C19orf67: variants seen among roughly 807,000 people sequenced by gnomAD.
C19orf67 encodes the protein chromosome 19 open reading frame 67, also known as UPF0575 protein C19orf67.
Under a neutral mutation model 41.4 loss-of-function variants are expected in C19orf67, and 28 were observed. The ratio of observed to expected loss-of-function variants is 0.68; its 90% CI spans 0.50 to 0.93. The LOEUF is 0.93. Among genes scored for constraint, C19orf67 ranks in the 40% least tolerant of loss-of-function variants. The pLI is 0.00. For synonymous variants in C19orf67, 242 were observed against 203.4 expected (o/e 1.19, Z -1.62); for missense variants, 421 against 467.0 (o/e 0.90, Z 0.91).
Position 14,085,613 on chromosome 19 carries a change from C to T in C19orf67, c.15G>A (p.Gln5=), listed in dbSNP as rs1271004750. Residue 5 remains glutamine, a synonymous_variant, in exon 1 of 6, where the codon CAG becomes CAA. Coordinates refer to ENST00000548523, the MANE Select transcript of C19orf67 (RefSeq NM_001277378.2). MATE[Q]WFEGSLPLDP... ...CCAGGGGGAGCGACCCCTCGAACCA[C>T]TGCTCTGTAGCCATGGTAGGGCCGG... The T allele has an allele frequency of 6.5e-7, 1 of 1,534,056 alleles. No homozygotes were observed. The highest frequency in any genetic ancestry group is 2.0e-5 in the Admixed American group (1 of 50,996).
intron 1 of C19orf67, among the ~76,000 whole-genome samples, chr19:14,084,400 A>AAT (rs950675431): frequency 4.6e-5 from 7 of 151,806 alleles, no homozygotes; most frequent in African/African-American, 1.7e-4. Flanking sequence ...ATTAAAAAAA[A>AAT]AAAAACAGCC....
At position 14,085,410 on chromosome 19, in the gene C19orf67, G is replaced by C; in HGVS notation, c.218C>G (p.Pro73Arg). The change falls in exon 1 of 6, where the codon CCC (proline) becomes CGC (arginine). Residue 73 changes from proline (P) to arginine (R), a missense_variant. By Grantham distance (103) the Pro-to-Arg change is moderately radical (BLOSUM62 -2). This residue lies in a region of C19orf67 where 160 missense variants were observed against 139.2 expected (regional missense o/e 1.15). Transcript: ENST00000548523. ...GCGGGGAGGTGCTGGCCCAGGCCGG[G>C]GGACCAGAGGTTTGGGGGAAGACGT... ...ASTSSPKPLV[P>R]RPGPAPPRLS... 1 of 1,536,058 alleles carries C rather than the reference G, an allele frequency of 6.5e-7. No individual in the cohort carries two copies. The highest frequency in any genetic ancestry group is 8.7e-7 in the Non-Finnish European group (1 of 1,146,874).
rs540698431 is a variant in C19orf67, at chr19:14,081,675, C to T, written c.*159G>A. 23 of 528,348 alleles carry T rather than the reference C, an allele frequency of 4.4e-5. No homozygotes were observed. Among genetic ancestry groups the T allele is most frequent in the African/African-American group, 4.2e-4 (21 of 50,190 alleles). The allele number at this position is 528,348 out of a possible 1,614,324, so 32.7% of individuals were successfully genotyped here. A position where few individuals can be genotyped will look rare whatever the true frequency, so the allele number is the denominator to read the frequency against. ...AAAACTGACGTGTCCGCATTCAGGG[C>T]CCCACGGCCAAGCCGGACTCGGTGC... On this transcript the variant is annotated 3_prime_UTR_variant, in exon 6 of 6. Transcript: ENST00000548523.
At position 14,083,730 on chromosome 19, in the gene C19orf67, C is replaced by T; in HGVS notation, c.480+3G>A. The T allele has an allele frequency of 2.1e-6, 3 of 1,454,968 alleles. No homozygotes were observed. Among genetic ancestry groups the T allele is most frequent in the Non-Finnish European group, 1.8e-6 (2 of 1,104,506 alleles). 90.1% of individuals were successfully genotyped at this position (1,454,968 alleles called of 1,614,324 possible). ...GCGTGGGGTCTAAGAAACCTCCACACACCCCCTTTCGGACCAGCTCCTGCA... is the reference window on the plus strand; with the variant it reads ...GCGTGGGGTCTAAGAAACCTCCACATACCCCCTTTCGGACCAGCTCCTGCA... On this transcript the variant is annotated splice_donor_region_variant and intron_variant, in intron 2 of 5. Coordinates refer to ENST00000548523, the MANE Select transcript of C19orf67 (RefSeq NM_001277378.2).
At position 14,085,281 on chromosome 19, in the gene C19orf67, G is replaced by C. The variant is rs557445571; in HGVS notation, c.335+12C>G. On this transcript the variant is annotated intron_variant, in intron 1 of 5. Coordinates refer to ENST00000548523, the MANE Select transcript of C19orf67 (RefSeq NM_001277378.2). ...CTTACCCATGGGGACCTGGGACCCT[G>C]TCCAGCATCACCTGTAGAGCAAGTA... The C allele has an allele frequency of 6.5e-7, 1 of 1,535,148 alleles. No homozygotes were observed. Among genetic ancestry groups the C allele is most frequent in the African/African-American group, 1.4e-5 (1 of 73,158 alleles).
At chr19:14,084,822 G>T (rs1435795044) in intron 1 of C19orf67, among the ~76,000 whole-genome samples, 1 of 152,210 alleles carries the variant, frequency 6.6e-6, no homozygotes, top group Non-Finnish European at 1.5e-5. Flanking sequence ...GGGCGACAGA[G>T]TGAGACTCCA....
chr19:14,081,835 C>T lies in C19orf67; in HGVS notation c.1076G>A (p.Ter359=). ...CAGCTCCTACCCTCTTCCCCAGGTT[C>T]AAGACCCCTGCGCTGCCCACCCCGC... ...GPAGWAAQGS[*] The change falls in exon 6 of 6, where the codon TGA becomes TAA. Residue 359 remains the stop codon, a stop_retained_variant. Coordinates refer to ENST00000548523, the MANE Select transcript of C19orf67 (RefSeq NM_001277378.2). The T allele has an allele frequency of 6.5e-7, 1 of 1,529,144 alleles. No homozygotes were observed. Among genetic ancestry groups the T allele is most frequent in the Admixed American group, 2.0e-5 (1 of 49,362 alleles). 94.7% of individuals were successfully genotyped at this position (1,529,144 alleles called of 1,614,324 possible). A position where few individuals can be genotyped will look rare whatever the true frequency, so the allele number is the denominator to read the frequency against.
Position 14,085,580 on chromosome 19 carries a change from T to C in C19orf67, c.48A>G (p.Gly16=). The C allele has an allele frequency of 6.5e-7, 1 of 1,535,150 alleles. No homozygotes were observed. The highest frequency in any genetic ancestry group is 2.0e-5 in the Admixed American group (1 of 50,998). The change falls in exon 1 of 6, where the codon GGA becomes GGG. Residue 16 remains glycine (G), a synonymous_variant. Coordinates refer to ENST00000548523, the MANE Select transcript of C19orf67 (RefSeq NM_001277378.2). The part of the protein sequence containing the change: ...WFEGSLPLDP[G]ETPPPDALEP... ...CCAAGGCGTCTGGAGGCGGTGTTTC[T>C]CCAGGGTCCAGGGGGAGCGACCCCT...
chr19:14,083,263 A>C lies in C19orf67; in HGVS notation c.741T>G (p.Gly247=), dbSNP rs1360843597. The C allele has an allele frequency of 3.9e-6, 6 of 1,536,036 alleles. No individual in the cohort carries two copies. Among genetic ancestry groups the C allele is most frequent in the Non-Finnish European group, 5.2e-6 (6 of 1,146,896 alleles). The change falls in exon 4 of 6, where the codon GGT becomes GGG. Residue 247 remains glycine, a synonymous_variant. Coordinates refer to ENST00000548523, the MANE Select transcript of C19orf67 (RefSeq NM_001277378.2). The stretch of plus-strand genomic sequence containing the variant: ...AATCCACAAGGGAATCTTGTCCCCG[A>C]CCAGGGGCCTCTGGGGTGGCTTCCA... The part of the protein sequence containing the change: ...WHLEATPEAP[G]RGQDSLVDYY...
At chr19:14,084,236 C>A (rs541884544) in intron 1 of C19orf67, among the ~76,000 whole-genome samples, 2 of 152,004 alleles carry the variant, frequency 1.3e-5, no homozygotes, top group East Asian at 1.9e-4. Flanking sequence ...CATCTCTACA[C>A]AAAAATAATT....
chr19:14,083,614 A>G lies in C19orf67; in HGVS notation c.481-9T>C. ...TGGGAGATCTCTAACAGCTGCATAC[A>G]AGAGGGGGGTACAGTGAGATCAGCT... On this transcript the variant is annotated splice_polypyrimidine_tract_variant and intron_variant, in intron 2 of 5. Coordinates refer to ENST00000548523, the MANE Select transcript of C19orf67 (RefSeq NM_001277378.2). 1 of 1,535,642 alleles carries G rather than the reference A, an allele frequency of 6.5e-7. No individual in the cohort carries two copies. Among genetic ancestry groups the G allele is most frequent in the Non-Finnish European group, 8.7e-7 (1 of 1,146,576 alleles).
At chr19:14,084,285 G>A (rs1205930205) in intron 1 of C19orf67, among the ~76,000 whole-genome samples, 18 of 152,136 alleles carry the variant, frequency 1.2e-4, no homozygotes, top group South Asian at 2.1e-4. Context: ...AGTTACCCAG[G>A]AGGTGGAGGT....
chr19:14,082,509 A>C lies in C19orf67; in HGVS notation c.862T>G (p.Trp288Gly), dbSNP rs1010181661. ...TCCTCGGCTGGTCCTAGGGGCACCC[A>C]TCGGCCGATGGACCACAGCTTCTGG... ...QIQKLWSIGR[W>G]VPLGPAEDDL... The change falls in exon 5 of 6, where the codon TGG becomes GGG. Residue 288 changes from tryptophan to glycine, a missense_variant. Trp to Gly is a radical substitution (Grantham distance 184). Transcript: ENST00000548523. 1.3e-6 allele frequency: 2 copies of C among 1,536,102 alleles called. No homozygotes were observed. Among genetic ancestry groups the C allele is most frequent in the Non-Finnish European group, 1.7e-6 (2 of 1,146,906 alleles).
chr19:14,085,375 C>A lies in C19orf67; in HGVS notation c.253G>T (p.Asp85Tyr). Reference protein sequence around the residue: ...PGPAPPRLSLDTLFSPITQQL... With the variant: ...PGPAPPRLSLYTLFSPITQQL... ...TGGGTGATGGGGCTGAACAAAGTGT[C>A]CAGGGATAGGCGGGGAGGTGCTGGC... Residue 85 changes from aspartate to tyrosine, a missense_variant, in exon 1 of 6, where the codon GAC becomes TAC. Asp to Tyr is a radical substitution (Grantham distance 160, BLOSUM62 -3). Around this residue, in one of 3 missense-constraint regions of C19orf67, gnomAD observed 160 missense variants for 139.2 expected, o/e 1.15. Coordinates refer to ENST00000548523, the MANE Select transcript of C19orf67 (RefSeq NM_001277378.2). The A allele has an allele frequency of 6.5e-7, 1 of 1,536,224 alleles. No individual in the cohort carries two copies. The highest frequency in any genetic ancestry group is 8.7e-7 in the Non-Finnish European group (1 of 1,146,926).
At position 14,085,505 on chromosome 19, in the gene C19orf67, G is replaced by T; in HGVS notation, c.123C>A (p.Gly41=). 1 of 1,535,406 alleles carries T rather than the reference G, an allele frequency of 6.5e-7. No individual in the cohort carries two copies. The highest frequency in any genetic ancestry group is 8.7e-7 in the Non-Finnish European group (1 of 1,146,736). The change falls in exon 1 of 6, where the codon GGC becomes GGA. Residue 41 remains glycine (G), a synonymous_variant. Transcript: ENST00000548523. Reference sequence around the variant, plus strand: ...CCGGCTCAGATGGGTTCCCAGGCCTGCCAGGGGGCGTCGACCTGGAGGGGT... The same window carrying T: ...CCGGCTCAGATGGGTTCCCAGGCCTTCCAGGGGGCGTCGACCTGGAGGGGT... The part of the protein sequence containing the change: ...CGDPSRSTPP[G]RPGNPSEPDP...
Position 14,084,096 on chromosome 19 carries a change from G to T in C19orf67, c.336-219C>A, listed in dbSNP as rs554527322. On this transcript the variant is annotated intron_variant, in intron 1 of 5. Coordinates refer to ENST00000548523, the MANE Select transcript of C19orf67 (RefSeq NM_001277378.2). ...GACACCTGAGTCTCACAACACTTAGGACCCAGAGCTTCCTGCAGGGTCTGG... is the reference window on the plus strand; with the variant it reads ...GACACCTGAGTCTCACAACACTTAGTACCCAGAGCTTCCTGCAGGGTCTGG... Among the ~76,000 whole-genome samples, 44 of 151,624 alleles carry T rather than the reference G, an allele frequency of 2.9e-4. No individual in the cohort carries two copies. In the South Asian group the frequency reaches 4.8e-3, roughly 16 times the overall value.
chr19:14,083,268 G>C lies in C19orf67; in HGVS notation c.736C>G (p.Pro246Ala). ...ACAAGGGAATCTTGTCCCCGACCAGGGGCCTCTGGGGTGGCTTCCAGGTGC... is the reference window on the plus strand; with the variant it reads ...ACAAGGGAATCTTGTCCCCGACCAGCGGCCTCTGGGGTGGCTTCCAGGTGC... Reference protein sequence around the residue: ...RWHLEATPEAPGRGQDSLVDY... With the variant: ...RWHLEATPEAAGRGQDSLVDY... Residue 246 changes from proline to alanine, a missense_variant, in exon 4 of 6, where the codon CCT becomes GCT. Physicochemically the swap from Pro to Ala is conservative, Grantham distance 27. This residue lies in a region of C19orf67 where 253 missense variants were observed against 307.0 expected (regional missense o/e 0.82). Transcript: ENST00000548523. 6.5e-7 allele frequency: 1 copy of C among 1,536,018 alleles called. No individual in the cohort carries two copies. Among genetic ancestry groups the C allele is most frequent in the Non-Finnish European group, 8.7e-7 (1 of 1,146,906 alleles).
rs986574228 is a variant in C19orf67, at chr19:14,083,356, G to C, written c.648C>G (p.Tyr216Ter). 6.5e-6 allele frequency: 10 copies of C among 1,535,796 alleles called. No homozygotes were observed. The African/African-American group carries it at 1.4e-4, about 21-fold the overall frequency. Residue 216 changes from tyrosine to a stop codon, truncating the protein, a stop_gained, in exon 4 of 6, where the codon TAC (tyrosine) becomes TAG (stop). Transcript: ENST00000548523. LOFTEE classifies it high-confidence loss of function. ...SLSHEVSIFR[Y>*]CAPTAYTASR... ...TGGCAGTGTAGGCGGTTGGGGCACA[G>C]TATCTGAAGATGGAGACCTCATGGG...
Position 14,085,459 on chromosome 19 carries a change from G to A in C19orf67, c.169C>T (p.Arg57Trp). 2 of 1,535,418 alleles carry A rather than the reference G, an allele frequency of 1.3e-6. No homozygotes were observed. Among genetic ancestry groups the A allele is most frequent in the Non-Finnish European group, 8.7e-7 (1 of 1,146,726 alleles). The change falls in exon 1 of 6, where the codon CGG becomes TGG. Residue 57 changes from arginine to tryptophan, a missense_variant. This residue lies in a region of C19orf67 where 160 missense variants were observed against 139.2 expected (regional missense o/e 1.15). Coordinates refer to ENST00000548523, the MANE Select transcript of C19orf67 (RefSeq NM_001277378.2). ...GTGGAGGCCCGGGCCTCAGCCAGCC[G>A]CCCCTCGGCATCTTCAGGATCCGGC... ...SEPDPEDAEG[R>W]LAEARASTSS...
Sources: gnomAD v4.1 joint callset for allele counts (sites outside exome capture counted in the v4.1 genomes callset) on GRCh38, gnomAD v4.1.1 for gene constraint, gnomAD v4.1.1 regional missense constraint, MANE v1.5 for transcripts, NCBI Gene and HGNC (gene_info 2026-07-23, HGNC 2026-07-21) for gene names.